Variants in SLC29A3 observed in about 807,000 individuals in gnomAD.
The protein encoded by SLC29A3 is equilibrative nucleoside transporter 3.
SLC29A3 carries 18 observed loss-of-function variants against 25.4 expected under a neutral mutation model. The observed-to-expected ratio is 0.71, with a 90% CI of 0.49 to 1.05. The LOEUF is 1.05. Among genes scored for constraint, SLC29A3 ranks in the 50% least tolerant of loss-of-function variants. SLC29A3 has a pLI of 0.00. For missense variants in SLC29A3, 586 were observed against 609.0 expected, an observed-to-expected ratio of 0.96 and a Z score of 0.40; for synonymous variants, 258 against 267.1, an observed-to-expected ratio of 0.97 and a Z score of 0.33.
intron 3 of SLC29A3, among the ~76,000 whole-genome samples, chr10:71,374,068 T>C (rs1185706612): frequency 1.3e-5 from 2 of 152,240 alleles, no homozygotes; most frequent in Non-Finnish European, 2.9e-5. Context: ...TAGTCATTGA[T>C]GTGTAACTTA....
chr10:71,376,175 T>A (rs1847250396), intron 4 of SLC29A3, among the ~76,000 whole-genome samples: 1 of 152,232 alleles, frequency 6.6e-6, no homozygotes, highest in South Asian at 2.1e-4. Context: ...AATGTGTCTC[T>A]TACAAAGCTC....
At chr10:71,370,794 A>G (rs564446424) in intron 3 of SLC29A3, among the ~76,000 whole-genome samples, 113 of 152,288 alleles carry the variant, frequency 7.4e-4, no homozygotes, top group African/African-American at 2.7e-3. Context: ...TTTTTTATTG[A>G]TACATAATAG....
intron 4 of SLC29A3, among the ~76,000 whole-genome samples, chr10:71,379,472 T>C (rs575461692): frequency 8.5e-5 from 13 of 152,376 alleles, no homozygotes; most frequent in African/African-American, 1.4e-4. Context: ...TTATTCCTTA[T>C]ATGAAAGAAG....
intron 3 of SLC29A3, among the ~76,000 whole-genome samples, chr10:71,349,081 C>T (rs570775576): frequency 3.6e-4 from 54 of 152,072 alleles, no homozygotes; most frequent in Non-Finnish European, 5.9e-4. Flanking sequence ...CTGTCACTCC[C>T]AGGTAAGTAA....
At chr10:71,367,532 AG>A (rs1472946168), downstream of SLC29A3, among the ~76,000 whole-genome samples, 1 of 152,206 alleles carries the variant, frequency 6.6e-6, no homozygotes, top group Non-Finnish European at 1.5e-5. Flanking sequence ...GAGATGCACC[AG>A]GGGTCACAGC....
intron 1 of SLC29A3, among the ~76,000 whole-genome samples, chr10:71,320,774 C>G (rs566793655): frequency 6.6e-6 from 1 of 152,156 alleles, no homozygotes; most frequent in Non-Finnish European, 1.5e-5. Context: ...GTGCAGAGTC[C>G]GTTCATTCAG....
intron 4 of SLC29A3, among the ~76,000 whole-genome samples, chr10:71,376,736 T>C (rs555926255): frequency 6.6e-6 from 1 of 152,182 alleles, no homozygotes; most frequent in African/African-American, 2.4e-5. Flanking sequence ...TAGCAGCAAT[T>C]AGAAGTGGGT....
intron 3 of SLC29A3, among the ~76,000 whole-genome samples, chr10:71,375,041 G>A (rs966694576): frequency 6.6e-6 from 1 of 152,226 alleles, no homozygotes; most frequent in Non-Finnish European, 1.5e-5. Context: ...TAATGCAGAG[G>A]AGGAATAGCG....
Position 71,369,728 on chromosome 10 carries a change from A to T in SLC29A3, c.*95-5967A>T, listed in dbSNP as rs1162068160. Among the ~76,000 whole-genome samples the T allele has an allele frequency of 3.9e-5, 6 of 152,300 alleles. No homozygotes were observed. The East Asian group carries it at 1.2e-3, about 29-fold the overall frequency. On this transcript the variant is annotated intron_variant and NMD_transcript_variant, in intron 3 of 4. Transcript: ENST00000642772. ...AGGCACTGACCATTGAGCAGCTACT[A>T]TGGTCAGGCTCTGCCTATGTACAGT...
chr10:71,359,831 C>T (rs1847009184), intron 5 of SLC29A3, among the ~76,000 whole-genome samples: 1 of 152,246 alleles, frequency 6.6e-6, no homozygotes, highest in African/African-American at 2.4e-5. Context: ...CCAACTCCCT[C>T]TGTTTGAGCT....
At chr10:71,342,818 A>C (rs1314258963) in intron 2 of SLC29A3, among the ~76,000 whole-genome samples, 1 of 152,224 alleles carries the variant, frequency 6.6e-6, no homozygotes, top group East Asian at 1.9e-4. Context: ...TCTCAGGCTC[A>C]TGGTTGACGG....
intron 5 of SLC29A3, among the ~76,000 whole-genome samples, chr10:71,360,528 C>T (rs1847029166): frequency 6.6e-6 from 1 of 152,200 alleles, no homozygotes; most frequent in Admixed American, 6.5e-5. Context: ...AAACAGGTGC[C>T]TCTGGTAGAG....
chr10:71,375,329 AAC>A lies in SLC29A3; in HGVS notation c.*95-362_*95-361del, dbSNP rs199798973. On this transcript the variant is annotated intron_variant and NMD_transcript_variant, in intron 3 of 4. Transcript: ENST00000642772. ...TTAGGTGCTACCAAGCAGAGTATTA[AAC>A]ACAGAACTGCAGCACGTCCAAGTTC... Among the ~76,000 whole-genome samples, 100 of 152,314 alleles carry A rather than the reference AAC, an allele frequency of 6.6e-4. 1 individual carries two copies. The East Asian group carries it at 0.018, about 27-fold the overall frequency.
At chr10:71,378,672 C>T (rs1847279216) in intron 4 of SLC29A3, among the ~76,000 whole-genome samples, 1 of 152,202 alleles carries the variant, frequency 6.6e-6, no homozygotes, top group Admixed American at 6.5e-5. Context: ...GGGGCTGGGG[C>T]CCAGTCATTG....
downstream of SLC29A3, chr10:71,365,080 T>C (rs1406792546): frequency 1.3e-5 from 2 of 151,990 alleles, no homozygotes; most frequent in African/African-American, 4.8e-5. Flanking sequence ...AATACAAAAA[T>C]TAGCCGGGCA....
intron 1 of SLC29A3, among the ~76,000 whole-genome samples, chr10:71,319,926 C>T (rs1230732167): frequency 6.6e-6 from 1 of 152,244 alleles, no homozygotes; most frequent in Non-Finnish European, 1.5e-5. Context: ...GCCGGGCTCC[C>T]GCAGGTGACC....
In SLC29A3 at chr10:71,351,595, G is replaced by T; in HGVS notation, c.417G>T (p.Leu139=). ...TCCACATCCGTGTCCTGGCCTCACT[G>T]ACGGTCATCCTGGCCATCTTCATGG... The part of the protein sequence containing the change: ...VAVHIRVLAS[L]TVILAIFMVI... The change falls in exon 4 of 6, where the codon CTG becomes CTT. Residue 139 remains leucine (L), a synonymous_variant. Transcript: ENST00000373189. The T allele has an allele frequency of 1.2e-6, 2 of 1,614,248 alleles. No homozygotes were observed. Among genetic ancestry groups the T allele is most frequent in the Non-Finnish European group, 1.7e-6 (2 of 1,180,048 alleles).
At chr10:71,324,715 A>C (rs1845926357) in intron 2 of SLC29A3, among the ~76,000 whole-genome samples, 1 of 152,186 alleles carries the variant, frequency 6.6e-6, no homozygotes, top group South Asian at 2.1e-4. Context: ...ATTTGGGTAT[A>C]GGTGGGAGTC....
chr10:71,331,343 C>T (rs1478965956), intron 2 of SLC29A3, among the ~76,000 whole-genome samples: 1 of 152,122 alleles, frequency 6.6e-6, no homozygotes, highest in Non-Finnish European at 1.5e-5. Flanking sequence ...AGGAATTTTG[C>T]TTTAAATGGG....
Sources: allele counts gnomAD v4.1 joint callset (sites outside exome capture counted in the v4.1 genomes callset), GRCh38; gene constraint gnomAD v4.1.1; transcripts MANE v1.5; gene names NCBI Gene and HGNC (gene_info 2026-07-23, HGNC 2026-07-21).